Variants in TMEM108 observed in about 807,000 individuals in gnomAD.
TMEM108 encodes cancer/testis antigen 124.
Under a neutral mutation model 35.1 loss-of-function variants are expected in TMEM108, and 12 were observed. The observed-to-expected ratio is 0.34, with a 90% CI of 0.22 to 0.55. The LOEUF is 0.55. Among genes scored for constraint, TMEM108 ranks in the 20% least tolerant of loss-of-function variants. The pLI, the probability that TMEM108 is intolerant of heterozygous loss-of-function variation, is 0.89. For synonymous variants in TMEM108, 287 were observed against 308.6 expected (o/e 0.93, Z 0.73); for missense variants, 680 against 753.3 (o/e 0.90, Z 1.14).
At chr3:133,369,002 AC>A (rs2072578813) in intron 3 of TMEM108, among the ~76,000 whole-genome samples, 2 of 152,146 alleles carry the variant, frequency 1.3e-5, no homozygotes, top group South Asian at 4.1e-4. Context: ...CCCTAAAAGC[AC>A]TCTGCACATA....
chr3:133,246,073 C>T (rs903147092), intron 3 of TMEM108: 3 of 151,640 alleles, frequency 2.0e-5, no homozygotes, highest in African/African-American at 4.8e-5. Flanking sequence ...ATAAAACTTA[C>T]GATTGGAAAA....
At chr3:133,348,255 T>C (rs2071882230) in intron 3 of TMEM108, among the ~76,000 whole-genome samples, 1 of 152,150 alleles carries the variant, frequency 6.6e-6, no homozygotes, top group African/African-American at 2.4e-5. Flanking sequence ...ACAGTTTTAT[T>C]ATATTTTTAA....
intron 3 of TMEM108, among the ~76,000 whole-genome samples, chr3:133,278,137 T>C (rs1337339044): frequency 6.6e-6 from 1 of 152,206 alleles, no homozygotes. Context: ...TTGAAAAGGA[T>C]GGAATTAACT....
chr3:133,312,620 A>G (rs1443322828), intron 3 of TMEM108, among the ~76,000 whole-genome samples: 1 of 152,220 alleles, frequency 6.6e-6, no homozygotes, highest in Non-Finnish European at 1.5e-5. Context: ...CTGTTTTTCC[A>G]GGTACAGTCT....
At chr3:133,054,824 T>C (rs1576294106) in intron 2 of TMEM108, among the ~76,000 whole-genome samples, 1 of 152,212 alleles carries the variant, frequency 6.6e-6, no homozygotes. Context: ...CAATGAATTA[T>C]TTAAGGCTCT....
chr3:133,084,526 G>T (rs1340741121), intron 2 of TMEM108, among the ~76,000 whole-genome samples: 1 of 152,188 alleles, frequency 6.6e-6, no homozygotes, highest in East Asian at 1.9e-4. Flanking sequence ...GGTGATTCAT[G>T]TGCTGGAATG....
intron 3 of TMEM108, among the ~76,000 whole-genome samples, chr3:133,265,462 C>T (rs897743299): frequency 1.3e-5 from 2 of 152,164 alleles, no homozygotes; most frequent in Non-Finnish European, 2.9e-5. Context: ...TAACTATCCT[C>T]CTATCATTTG....
chr3:133,100,010 G>A (rs959351340), intron 2 of TMEM108, among the ~76,000 whole-genome samples: 2 of 152,154 alleles, frequency 1.3e-5, no homozygotes, highest in Non-Finnish European at 1.5e-5. Context: ...TCATTTTAAC[G>A]CTGCTGATAA....
intron 2 of TMEM108, among the ~76,000 whole-genome samples, chr3:133,109,512 C>T (rs1944200527): frequency 6.6e-6 from 1 of 152,064 alleles, no homozygotes; most frequent in African/African-American, 2.4e-5. Context: ...GGGGAGAGTT[C>T]AGAGTGATAA....
chr3:133,354,583 AAGAC>A (rs774494866), intron 3 of TMEM108, among the ~76,000 whole-genome samples: 2 of 152,184 alleles, frequency 1.3e-5, no homozygotes, highest in Non-Finnish European at 2.9e-5. Flanking sequence ...GGTTTGGAGT[AAGAC>A]AGACCTTATC....
chr3:133,323,356 A>G (rs1345573040), intron 3 of TMEM108, among the ~76,000 whole-genome samples: 2 of 152,230 alleles, frequency 1.3e-5, no homozygotes, highest in Non-Finnish European at 2.9e-5. Context: ...CAATGTACAC[A>G]AATCAGTAGC....
At chr3:133,284,815 G>A (rs1946962509) in intron 3 of TMEM108, among the ~76,000 whole-genome samples, 1 of 152,134 alleles carries the variant, frequency 6.6e-6, no homozygotes, top group Admixed American at 6.5e-5. Context: ...ACTAGTTTTT[G>A]CAAGATCATT....
At chr3:133,099,671 C>T (rs1340969709) in intron 2 of TMEM108, among the ~76,000 whole-genome samples, 1 of 152,140 alleles carries the variant, frequency 6.6e-6, no homozygotes, top group Non-Finnish European at 1.5e-5. Context: ...TTCAAAGTTC[C>T]ACAAATCTCT....
At chr3:133,181,811 G>A (rs1435217167) in intron 2 of TMEM108, among the ~76,000 whole-genome samples, 1 of 152,198 alleles carries the variant, frequency 6.6e-6, no homozygotes, top group Non-Finnish European at 1.5e-5. Flanking sequence ...CTAGTCAACT[G>A]AAAGTAGTTC....
chr3:133,319,379 C>G (rs1447710564), intron 3 of TMEM108, among the ~76,000 whole-genome samples: 1 of 152,202 alleles, frequency 6.6e-6, no homozygotes, highest in Non-Finnish European at 1.5e-5. Context: ...TCTGTTGCAG[C>G]TGGTGCTTTC....
At chr3:133,141,373 C>T (rs1265862308) in intron 2 of TMEM108, among the ~76,000 whole-genome samples, 3 of 152,106 alleles carry the variant, frequency 2.0e-5, no homozygotes, top group Admixed American at 2.0e-4. Context: ...TAGACATAAA[C>T]CTCATTCACA....
chr3:133,264,533 G>GA (rs1946670535), intron 3 of TMEM108, among the ~76,000 whole-genome samples: 1 of 152,090 alleles, frequency 6.6e-6, no homozygotes, highest in Non-Finnish European at 1.5e-5. Context: ...ATGTAACACC[G>GA]TTTTGTAGCA....
At chr3:133,338,028 C>CA (rs1400858157) in intron 3 of TMEM108, among the ~76,000 whole-genome samples, 1 of 151,780 alleles carries the variant, frequency 6.6e-6, no homozygotes, top group Non-Finnish European at 1.5e-5. Context: ...GAAAAAAGAA[C>CA]AAAAAACAAT....
chr3:133,296,201 C>T (rs1465320189), intron 3 of TMEM108, among the ~76,000 whole-genome samples: 1 of 152,000 alleles, frequency 6.6e-6, no homozygotes, highest in Admixed American at 6.6e-5. Context: ...AAAGAATTTT[C>T]CTATATATCA....
Sources: allele counts gnomAD v4.1 joint callset (sites outside exome capture counted in the v4.1 genomes callset), GRCh38; gene constraint gnomAD v4.1.1; transcripts MANE v1.5; gene names NCBI Gene and HGNC (gene_info 2026-07-23, HGNC 2026-07-21).